Variants in TTC39A observed in about 807,000 individuals in gnomAD.
TTC39A encodes the protein tetratricopeptide repeat protein 39A.
A neutral mutation model predicts 82.3 loss-of-function variants in TTC39A; 46 were observed. That is an observed-to-expected ratio of 0.56 (90% confidence interval 0.44 to 0.71). The LOEUF (loss-of-function observed/expected upper bound fraction) is 0.71. Among genes scored for constraint, TTC39A ranks in the 30% least tolerant of loss-of-function variants. The probability of loss-of-function intolerance (pLI) is 0.00; values close to 1 mark genes in which losing one functional copy is unlikely to be tolerated. For synonymous variants in TTC39A, 254 were observed against 275.2 expected, an observed-to-expected ratio of 0.92 and a Z score of 0.76; for missense variants, 543 against 712.9, an observed-to-expected ratio of 0.76 and a Z score of 2.71.
chr1:51,319,719 C>A (rs1322949053), intron 2 of TTC39A, among the ~76,000 whole-genome samples: 1 of 147,276 alleles, frequency 6.8e-6, no homozygotes, highest in African/African-American at 2.5e-5. Flanking sequence ...CAGACAGAGT[C>A]TCACTCTGTC....
chr1:51,331,546 C>G, upstream of TTC39A: 2 of 985,422 alleles, frequency 2.0e-6, no homozygotes, highest in Non-Finnish European at 2.4e-6. Context: ...CAGAAGGGGA[C>G]AGCCTGCAGA....
intron 7 of TTC39A, 52 bp from the exon 8 acceptor site, chr1:51,305,198 G>A (rs1453246608): frequency 1.3e-6 from 2 of 1,568,734 alleles, no homozygotes; most frequent in Non-Finnish European, 1.8e-6. Context: ...GTGGGCAGGG[G>A]CCACCCCCAC....
Position 51,303,203 on chromosome 1 carries a change from G to A in TTC39A, c.655-11C>T. 2 of 1,536,152 alleles carry A rather than the reference G, an allele frequency of 1.3e-6. No homozygotes were observed. Among genetic ancestry groups the A allele is most frequent in the Non-Finnish European group, 1.8e-6 (2 of 1,131,612 alleles). Reference sequence around the variant, plus strand: ...CAGCAGCCCATAGTCCTGAGGGGATGGGAGGGTGGGTGAGGCTCCCAGAGA... The same window carrying A: ...CAGCAGCCCATAGTCCTGAGGGGATAGGAGGGTGGGTGAGGCTCCCAGAGA... On this transcript the variant is annotated splice_polypyrimidine_tract_variant and intron_variant, in intron 8 of 17. Transcript: ENST00000680483.
chr1:51,290,169 C>T (rs1307242244), intron 15 of TTC39A, 50 bp from the exon 16 acceptor site: 1 of 1,557,566 alleles, frequency 6.4e-7, no homozygotes, highest in Admixed American at 1.8e-5. Flanking sequence ...ATTTCTGCAG[C>T]AGTTACTTAT....
Position 51,294,653 on chromosome 1 carries a change from GC to G in TTC39A, c.1146-143del. Reference sequence around the variant, plus strand: ...CAATGACAGTGTTAGACTCTAAAGAGCCTTCTAGGTCTGAAATAGCCTGCGG... The same window carrying G: ...CAATGACAGTGTTAGACTCTAAAGAGCTTCTAGGTCTGAAATAGCCTGCGG... On this transcript the variant is annotated intron_variant, in intron 13 of 17. Coordinates refer to ENST00000680483, the MANE Select transcript of TTC39A (RefSeq NM_001297663.2). This position sits in a 1 kb window ranked among gnomAD's most constrained non-coding sequence, Gnocchi z 4.3. The G allele has an allele frequency of 7.7e-7, 1 of 1,290,770 alleles. No individual in the cohort carries two copies. 80.0% of individuals were successfully genotyped at this position (1,290,770 alleles called of 1,614,324 possible). A position where few individuals can be genotyped will look rare whatever the true frequency, so the allele number is the denominator to read the frequency against.
intron 8 of TTC39A, among the ~76,000 whole-genome samples, chr1:51,304,679 G>A (rs1214254124): frequency 6.6e-6 from 1 of 152,204 alleles, no homozygotes; most frequent in Non-Finnish European, 1.5e-5. Context: ...CTTCCCTCAG[G>A]CATCTGCTGG....
At chr1:51,317,361 G>A (rs1168567278) in intron 2 of TTC39A, among the ~76,000 whole-genome samples, 1 of 152,232 alleles carries the variant, frequency 6.6e-6, no homozygotes, top group African/African-American at 2.4e-5. Context: ...CCCAATGTGA[G>A]GACATGTGGC....
intron 1 of TTC39A, among the ~76,000 whole-genome samples, chr1:51,325,273 A>T (rs1389288702): frequency 6.7e-6 from 1 of 149,504 alleles, no homozygotes; most frequent in Non-Finnish European, 1.5e-5. Context: ...AAAAAAAACC[A>T]CAAATGTCAC....
chr1:51,313,399 C>T (rs1405835695), intron 2 of TTC39A, among the ~76,000 whole-genome samples: 1 of 152,128 alleles, frequency 6.6e-6, no homozygotes, highest in African/African-American at 2.4e-5. Context: ...ACCTCACTTC[C>T]CTGGACCTCC....
At chr1:51,340,588 C>A (rs1160115013) in intron 1 of TTC39A, among the ~76,000 whole-genome samples, 1 of 152,178 alleles carries the variant, frequency 6.6e-6, no homozygotes, top group Non-Finnish European at 1.5e-5. Flanking sequence ...CTTACTTGAC[C>A]CCACCTCTCA....
At chr1:51,308,620 G>A (rs1166788133) in intron 6 of TTC39A, among the ~76,000 whole-genome samples, 2 of 152,226 alleles carry the variant, frequency 1.3e-5, no homozygotes, top group African/African-American at 4.8e-5. Flanking sequence ...TTTTGTTGCT[G>A]TGGGAACCAT....
Position 51,303,277 on chromosome 1 carries a change from G to A in TTC39A, c.655-85C>T, listed in dbSNP as rs1480505470. 1.4e-5 allele frequency: 17 copies of A among 1,195,870 alleles called. 1 individual carries two copies. Among genetic ancestry groups the A allele is most frequent in the South Asian group, 1.0e-4 (7 of 69,246 alleles). 74.1% of individuals were successfully genotyped at this position (1,195,870 alleles called of 1,614,324 possible). A position where few individuals can be genotyped will look rare whatever the true frequency, so the allele number is the denominator to read the frequency against. On this transcript the variant is annotated intron_variant, in intron 8 of 17. Transcript: ENST00000680483. ...GGACAGCTGTGTGGGCAGTGCTGCC[G>A]GCACAGGGGCGGAAGAGCACTGGAA...
upstream of TTC39A, chr1:51,334,664 A>AG (rs1645952752): frequency 6.6e-6 from 1 of 152,584 alleles, no homozygotes; most frequent in East Asian, 1.9e-4. Context: ...CAAAAAAAAA[A>AG]AAAGAAAGAA....
At chr1:51,302,931 G>C (rs1644729255) in intron 9 of TTC39A, among the ~76,000 whole-genome samples, 153 bp downstream of exon 9, 1 of 152,202 alleles carries the variant, frequency 6.6e-6, no homozygotes, top group Non-Finnish European at 1.5e-5. Flanking sequence ...GGCGTCAGCA[G>C]GCCAGTCCCC....
intron 2 of TTC39A, among the ~76,000 whole-genome samples, chr1:51,320,416 C>CTTTTTTT (rs57261779): frequency 5.7e-4 from 45 of 79,434 alleles, no homozygotes; most frequent in Middle Eastern, 7.5e-3. Flanking sequence ...TTTTCTTTTT[C>CTTTTTTT]TTTTTTTTTT....
chr1:51,320,264 T>C (rs1557735123), intron 2 of TTC39A, among the ~76,000 whole-genome samples: 1 of 152,058 alleles, frequency 6.6e-6, no homozygotes, highest in Non-Finnish European at 1.5e-5. Context: ...GTTTAGCAAA[T>C]TAGGCCAATG....
Position 51,294,544 on chromosome 1 carries a change from GAA to G in TTC39A, c.1146-35_1146-34del, listed in dbSNP as rs1644342631. On this transcript the variant is annotated intron_variant, in intron 13 of 17. Coordinates refer to ENST00000680483, the MANE Select transcript of TTC39A (RefSeq NM_001297663.2). The surrounding 1 kb of genome is among the most constrained non-coding windows in gnomAD (Gnocchi z 4.3). ...AGAGATGGGGAGGGTGGGAGAGGAT[GAA>G]AAAGAGCAGGAGAGGGCAGAGGGTC... The G allele has an allele frequency of 6.2e-7, 1 of 1,613,010 alleles. No individual in the cohort carries two copies. Among genetic ancestry groups the G allele is most frequent in the Non-Finnish European group, 8.5e-7 (1 of 1,179,638 alleles).
rs1644750002 is a variant in TTC39A at position 51,303,328 on chromosome 1, G to T, written c.655-136C>A. The T allele has an allele frequency of 9.9e-6, 7 of 709,134 alleles. No individual in the cohort carries two copies. In the Admixed American group the frequency reaches 1.7e-4, roughly 17 times the overall value. The allele number at this position is 709,134 out of a possible 1,614,324, so 43.9% of individuals were successfully genotyped here. A position where few individuals can be genotyped will look rare whatever the true frequency, so the allele number is the denominator to read the frequency against. On this transcript the variant is annotated intron_variant, in intron 8 of 17. Transcript: ENST00000680483. ...CCCTGGGGGCCAGGTCAGCTGTGTGGCCCTGAGCAAGTGGCTGCCCCTCAG... is the reference window on the plus strand; with the variant it reads ...CCCTGGGGGCCAGGTCAGCTGTGTGTCCCTGAGCAAGTGGCTGCCCCTCAG...
At chr1:51,342,167 G>A (rs569099745) in intron 1 of TTC39A, among the ~76,000 whole-genome samples, 1 of 152,242 alleles carries the variant, frequency 6.6e-6, no homozygotes, top group Admixed American at 6.5e-5. Context: ...AGTAGGGTGC[G>A]GTCCCCATTG....
Sources: allele counts gnomAD v4.1 joint callset (sites outside exome capture counted in the v4.1 genomes callset), GRCh38; gene constraint gnomAD v4.1.1; non-coding constraint Gnocchi (gnomAD v3.1); transcripts MANE v1.5; gene names NCBI Gene and HGNC (gene_info 2026-07-23, HGNC 2026-07-21).